The following RELL1 variants were observed in gnomAD, a reference collection of about 807,000 sequenced individuals.
RELL1 encodes RELT-like protein 1.
In RELL1, 10 loss-of-function variants were observed where a neutral mutation model predicts 23.0. The observed-to-expected ratio is 0.43, with a 90% CI of 0.27 to 0.74. The LOEUF (loss-of-function observed/expected upper bound fraction) is 0.74. Ranked by LOEUF, RELL1 falls within the 30% of genes least tolerant of loss-of-function variation. The pLI is 0.19. For synonymous variants in RELL1, 146 were observed against 146.8 expected (o/e 0.99, Z 0.04); for missense variants, 315 against 364.4 (o/e 0.86, Z 1.10).
At chr4:37,604,343 C>A (rs1577557438) in intron 6 of RELL1, among the ~76,000 whole-genome samples, 1 of 149,884 alleles carries the variant, frequency 6.7e-6, no homozygotes, top group Non-Finnish European at 1.5e-5. Flanking sequence ...CCAAGTGACC[C>A]CTTTCAACTA....
chr4:37,608,403 T>C (rs1719286538), downstream of RELL1, among the ~76,000 whole-genome samples: 2 of 152,112 alleles, frequency 1.3e-5, no homozygotes, highest in South Asian at 4.1e-4. Context: ...CTCTAGCAAA[T>C]ACACGAATGA....
At chr4:37,590,477 G>T, downstream of RELL1, 1 of 1,610,946 alleles carries the variant, frequency 6.2e-7, no homozygotes, top group South Asian at 1.1e-5. Flanking sequence ...GAAGGAGGGG[G>T]CACCAGGAAA....
At chr4:37,639,200 C>T (rs1720436069) in intron 3 of RELL1, among the ~76,000 whole-genome samples, 1 of 151,844 alleles carries the variant, frequency 6.6e-6, no homozygotes, top group African/African-American at 2.4e-5. Context: ...CTGGCTAACA[C>T]GGTGAAACCC....
chr4:37,680,487 A>C (rs932541670), intron 1 of RELL1, among the ~76,000 whole-genome samples: 1 of 152,262 alleles, frequency 6.6e-6, no homozygotes, highest in Non-Finnish European at 1.5e-5. Flanking sequence ...AAATACAGTG[A>C]ATCCATATAG....
chr4:37,669,731 A>AC (rs989673393), intron 1 of RELL1, among the ~76,000 whole-genome samples: 14 of 152,190 alleles, frequency 9.2e-5, no homozygotes, highest in African/African-American at 3.1e-4. Context: ...CTGTGACCTT[A>AC]CCCCCAACCC....
chr4:37,641,190 T>G (rs1034122335), intron 3 of RELL1, among the ~76,000 whole-genome samples: 2 of 152,152 alleles, frequency 1.3e-5, no homozygotes, highest in African/African-American at 4.8e-5. Context: ...TCCCCTTGGT[T>G]TGCTGAGTGA....
intron 6 of RELL1, among the ~76,000 whole-genome samples, chr4:37,598,522 C>T (rs75395102): frequency 0.036 from 5,473 of 152,078 alleles, 259 homozygotes; most frequent in East Asian, 0.26. Context: ...AAGTACTGCA[C>T]GTGAATCATC....
intron 1 of RELL1, among the ~76,000 whole-genome samples, chr4:37,660,788 T>G (rs1721303974): frequency 6.6e-6 from 1 of 152,034 alleles, no homozygotes; most frequent in Non-Finnish European, 1.5e-5. Context: ...TCCCAGCACT[T>G]TGGGAGGCCA....
chr4:37,649,177 T>C, intron 2 of RELL1, 99 bp downstream of exon 2: 1 of 973,058 alleles, frequency 1.0e-6, no homozygotes, highest in Non-Finnish European at 1.6e-6. Context: ...GCCACTAAAA[T>C]GGATCATTCT....
chr4:37,669,193 T>C (rs1442969593), intron 1 of RELL1, among the ~76,000 whole-genome samples: 1 of 26,720 alleles, frequency 3.7e-5, no homozygotes, highest in Non-Finnish European at 7.6e-5. Context: ...GGGGGGGGGG[T>C]CAGCCCCCTG....
intron 1 of RELL1, among the ~76,000 whole-genome samples, chr4:37,663,118 G>A (rs1385820927): frequency 6.6e-6 from 1 of 152,080 alleles, no homozygotes; most frequent in Non-Finnish European, 1.5e-5. Flanking sequence ...AATACCCGTG[G>A]GGCTCAAGGA....
Position 37,656,394 on chromosome 4 carries a change from A to G in RELL1, c.89-6894T>C, listed in dbSNP as rs115414692. ...AGTTGATGATCAACAGGCACAAAAT[A>G]TAAATTTTCAGTTACACGAGATTAA... On this transcript the variant is annotated intron_variant, in intron 1 of 6. Coordinates refer to ENST00000454158, the MANE Select transcript of RELL1 (RefSeq NM_001085400.2). 7.3e-3 allele frequency among the ~76,000 whole-genome samples: 1,117 copies of G among 152,370 alleles called. 9 individuals are homozygous for G. Among genetic ancestry groups the G allele is most frequent in the Middle Eastern group, 0.014 (4 of 294 alleles).
At chr4:37,648,688 T>C (rs1432974522) in intron 2 of RELL1, among the ~76,000 whole-genome samples, 1 of 152,208 alleles carries the variant, frequency 6.6e-6, no homozygotes, top group Non-Finnish European at 1.5e-5. Flanking sequence ...TGTCATACTT[T>C]TTTCTGCACT....
chr4:37,647,553 C>T, intron 2 of RELL1, 114 bp from the exon 3 acceptor site: 1 of 671,338 alleles, frequency 1.5e-6, no homozygotes, highest in East Asian at 2.8e-5. Flanking sequence ...CAGGAGATCA[C>T]CCATGGTGCT....
chr4:37,647,579 C>G, intron 2 of RELL1, 140 bp from the exon 3 acceptor site: 1 of 586,706 alleles, frequency 1.7e-6, no homozygotes, highest in South Asian at 2.1e-5. Context: ...TCTAGGCTTT[C>G]TCCCTCCAGC....
rs188812092 is a variant in RELL1 at position 37,641,903 on chromosome 4, G to A, written c.386-3399C>T. Among the ~76,000 whole-genome samples, 138 of 152,278 alleles carry A rather than the reference G, an allele frequency of 9.1e-4. 1 individual carries two copies. Among genetic ancestry groups the A allele is most frequent in the African/African-American group, 3.1e-3 (129 of 41,548 alleles). Reference sequence around the variant, plus strand: ...TTGGACTTTTCTGATGACCTTAACAGTAGGTAGAATTATCACCCCCATTTT... The same window carrying A: ...TTGGACTTTTCTGATGACCTTAACAATAGGTAGAATTATCACCCCCATTTT... On this transcript the variant is annotated intron_variant, in intron 3 of 6. Coordinates refer to ENST00000454158, the MANE Select transcript of RELL1 (RefSeq NM_001085400.2).
chr4:37,639,630 G>A (rs1050834616), intron 3 of RELL1, among the ~76,000 whole-genome samples: 1 of 152,134 alleles, frequency 6.6e-6, no homozygotes, highest in African/African-American at 2.4e-5. Flanking sequence ...CGCTCCCCAG[G>A]ATGAAAGACT....
In RELL1 at chr4:37,612,550, C is replaced by T. The variant is rs1481348251; in HGVS notation, c.*796G>A. On this transcript the variant is annotated 3_prime_UTR_variant, in exon 7 of 7. Coordinates refer to ENST00000454158, the MANE Select transcript of RELL1 (RefSeq NM_001085400.2). ...ACTTGGGAGGCTGAGGCAGGAGAAT[C>T]GCTTGAACCTGGGGAGGTGGAGATT... Among the ~76,000 whole-genome samples, 2 of 149,726 alleles carry T rather than the reference C, an allele frequency of 1.3e-5. No homozygotes were observed. Among genetic ancestry groups the T allele is most frequent in the Admixed American group, 6.7e-5 (1 of 14,888 alleles).
intron 6 of RELL1, among the ~76,000 whole-genome samples, chr4:37,621,183 G>A (rs1261624978): frequency 2.6e-5 from 4 of 152,314 alleles, no homozygotes; most frequent in Non-Finnish European, 5.9e-5. Context: ...TCGGCCAGGC[G>A]CGGTGGCTTA....
Sources: allele counts gnomAD v4.1 joint callset (sites outside exome capture counted in the v4.1 genomes callset), GRCh38; gene constraint gnomAD v4.1.1; transcripts MANE v1.5; gene names NCBI Gene and HGNC (gene_info 2026-07-23, HGNC 2026-07-21).